Variants in PCDH15 observed in about 807,000 individuals in gnomAD.
PCDH15 encodes the protein protocadherin-15.
In PCDH15, 129 loss-of-function variants were observed where a neutral mutation model predicts 178.5. The ratio of observed to expected loss-of-function variants is 0.72; its 90% CI spans 0.63 to 0.84. PCDH15 has a LOEUF of 0.84. Among genes scored for constraint, PCDH15 ranks in the 40% least tolerant of loss-of-function variants. The probability of loss-of-function intolerance (pLI) is 0.00; values close to 1 mark genes in which losing one functional copy is unlikely to be tolerated. For missense variants in PCDH15, 2,230 were observed against 2,099.9 expected (o/e 1.06, Z -1.21); for synonymous variants, 800 against 732.0 (o/e 1.09, Z -1.50).
At chr10:54,164,653 A>G (rs1030476805) in intron 13 of PCDH15, among the ~76,000 whole-genome samples, 1 of 152,178 alleles carries the variant, frequency 6.6e-6, no homozygotes, top group Non-Finnish European at 1.5e-5. Context: ...TTCTTAGTGT[A>G]TGAAATATGC....
chr10:54,351,430 AT>A (rs1428883315), intron 5 of PCDH15, among the ~76,000 whole-genome samples: 1 of 152,064 alleles, frequency 6.6e-6, no homozygotes, highest in African/African-American at 2.4e-5. Flanking sequence ...ACAGACCATA[AT>A]TTTTTTCTTT....
chr10:54,484,068 TAAG>T (rs1300024851), intron 3 of PCDH15, among the ~76,000 whole-genome samples: 1 of 151,888 alleles, frequency 6.6e-6, no homozygotes, highest in African/African-American at 2.4e-5. Flanking sequence ...TTTGCCACTT[TAAG>T]GAGGAAAAAT....
chr10:54,172,499 T>C (rs925042013), intron 13 of PCDH15, among the ~76,000 whole-genome samples: 1 of 152,038 alleles, frequency 6.6e-6, no homozygotes, highest in Non-Finnish European at 1.5e-5. Context: ...TTCACGCGCA[T>C]GAAAATAACA....
chr10:55,586,288 T>C (rs1842726064), intron 2 of PCDH15, among the ~76,000 whole-genome samples: 1 of 151,876 alleles, frequency 6.6e-6, no homozygotes, highest in Non-Finnish European at 1.5e-5. Context: ...TCAAATATTA[T>C]TTCAAATAAT....
chr10:54,828,860 A>G (rs948514078), intron 3 of PCDH15, among the ~76,000 whole-genome samples: 6 of 152,114 alleles, frequency 3.9e-5, no homozygotes, highest in African/African-American at 1.4e-4. Context: ...GTTATTTTAG[A>G]TAAGGAGGTT....
chr10:54,209,875 C>T (rs1352227444), intron 10 of PCDH15, among the ~76,000 whole-genome samples: 2 of 152,186 alleles, frequency 1.3e-5, no homozygotes, highest in Admixed American at 1.3e-4. Context: ...TAAACATTTT[C>T]TAGAGTTATG....
chr10:55,048,424 A>G (rs1841068588), intron 2 of PCDH15, among the ~76,000 whole-genome samples: 1 of 151,970 alleles, frequency 6.6e-6, no homozygotes, highest in African/African-American at 2.4e-5. Context: ...AGCACAAAAA[A>G]ATAGATATGG....
intron 1 of PCDH15, among the ~76,000 whole-genome samples, chr10:55,173,096 T>C (rs1839383209): frequency 6.6e-6 from 1 of 151,848 alleles, no homozygotes; most frequent in African/African-American, 2.4e-5. Flanking sequence ...GGGACATGTA[T>C]CAATTCTGCA....
chr10:54,436,033 A>AGAGGG (rs1271738062), intron 3 of PCDH15, among the ~76,000 whole-genome samples: 2 of 21,800 alleles, frequency 9.2e-5, no homozygotes, highest in East Asian at 5.3e-4. Flanking sequence ...AGAGGAGAGG[A>AGAGGG]GAGAGAGAGA....
intron 26 of PCDH15, among the ~76,000 whole-genome samples, chr10:53,872,835 A>G (rs1028860863): frequency 6.6e-6 from 1 of 152,180 alleles, no homozygotes; most frequent in African/African-American, 2.4e-5. Context: ...CAAATGTGAG[A>G]TCTCTCAGCT....
At chr10:54,302,644 A>G (rs559851512) in intron 8 of PCDH15, among the ~76,000 whole-genome samples, 2 of 152,134 alleles carry the variant, frequency 1.3e-5, no homozygotes, top group Non-Finnish European at 2.9e-5. Flanking sequence ...ATAAATTTTT[A>G]GTTTTATAAA....
intron 2 of PCDH15, among the ~76,000 whole-genome samples, chr10:55,360,901 T>A (rs74364962): frequency 0.013 from 1,912 of 152,044 alleles, 32 homozygotes; most frequent in African/African-American, 0.044. Flanking sequence ...GTTCATAGAA[T>A]CACTTCAAAA....
At chr10:54,662,443 T>C (rs1331295152) in intron 2 of PCDH15, among the ~76,000 whole-genome samples, 1 of 151,978 alleles carries the variant, frequency 6.6e-6, no homozygotes, top group Non-Finnish European at 1.5e-5. Flanking sequence ...TGTGTTAGTA[T>C]AGTACATTAA....
At chr10:54,353,727 T>C (rs998082971) in intron 5 of PCDH15, among the ~76,000 whole-genome samples, 5 of 152,130 alleles carry the variant, frequency 3.3e-5, no homozygotes, top group Admixed American at 2.0e-4. Context: ...TAACATAATA[T>C]GGTTTTCATA....
chr10:55,057,465 G>A (rs558235724), intron 2 of PCDH15, among the ~76,000 whole-genome samples: 5 of 151,842 alleles, frequency 3.3e-5, no homozygotes, highest in East Asian at 1.9e-4. Context: ...TATGTTTCTC[G>A]GAAATTTGTT....
intron 21 of PCDH15, among the ~76,000 whole-genome samples, chr10:53,988,119 C>A (rs187701648): frequency 6.6e-6 from 1 of 152,176 alleles, no homozygotes; most frequent in Non-Finnish European, 1.5e-5. Context: ...CGCGTCAGAT[C>A]AAAGCAATCA....
At chr10:54,069,347 T>C (rs890772862) in intron 17 of PCDH15, among the ~76,000 whole-genome samples, 5 of 152,316 alleles carry the variant, frequency 3.3e-5, no homozygotes, top group African/African-American at 1.2e-4. Context: ...TTTAAGACTG[T>C]AACTCTTAAG....
At chr10:53,847,997 G>A (rs949729974) in intron 28 of PCDH15, among the ~76,000 whole-genome samples, 1 of 151,860 alleles carries the variant, frequency 6.6e-6, no homozygotes, top group African/African-American at 2.4e-5. Flanking sequence ...TGATACAAAC[G>A]GAATTCTCTT....
chr10:54,036,207 T>C (rs1016743478), intron 18 of PCDH15, among the ~76,000 whole-genome samples: 6 of 151,978 alleles, frequency 3.9e-5, no homozygotes, highest in Admixed American at 1.3e-4. Context: ...AAAATCCAGC[T>C]AAGATATTTG....
Sources: allele counts gnomAD v4.1 joint callset (sites outside exome capture counted in the v4.1 genomes callset), GRCh38; gene constraint gnomAD v4.1.1; transcripts MANE v1.5; gene names NCBI Gene and HGNC (gene_info 2026-07-23, HGNC 2026-07-21).